LRP1B: variants seen among roughly 807,000 people sequenced by gnomAD.
LRP1B encodes LDL receptor related protein 1B, also known as low-density lipoprotein receptor-related protein 1B.
In LRP1B, 217 loss-of-function variants were observed where a neutral mutation model predicts 556.6. The ratio of observed to expected loss-of-function variants is 0.39; its 90% CI spans 0.35 to 0.44. The LOEUF is 0.44. Ranked by LOEUF, LRP1B falls within the 20% of genes least tolerant of loss-of-function variation. LRP1B has a pLI of 1.00. For synonymous variants in LRP1B, 2,047 were observed against 1,865.8 expected, an observed-to-expected ratio of 1.10 and a Z score of -2.50; for missense variants, 5,053 against 5,620.8, an observed-to-expected ratio of 0.90 and a Z score of 3.23.
At chr2:141,887,797 G>C (rs142021757) in intron 1 of LRP1B, among the ~76,000 whole-genome samples, 2 of 152,260 alleles carry the variant, frequency 1.3e-5, no homozygotes, top group African/African-American at 4.8e-5. Context: ...AGTTATACTT[G>C]CCATGGGAAT....
At chr2:141,269,423 G>A (rs1056646475) in intron 3 of LRP1B, among the ~76,000 whole-genome samples, 9 of 152,140 alleles carry the variant, frequency 5.9e-5, no homozygotes, top group Non-Finnish European at 8.8e-5. Flanking sequence ...TCAGCTGACC[G>A]TGCAAGCTAT....
chr2:142,083,996 T>C (rs1279794343), intron 1 of LRP1B, among the ~76,000 whole-genome samples: 1 of 151,954 alleles, frequency 6.6e-6, no homozygotes, highest in African/African-American at 2.4e-5. Context: ...TTTTTTTTTT[T>C]TGAGATGGAG....
intron 7 of LRP1B, among the ~76,000 whole-genome samples, chr2:141,140,917 G>T (rs1243537389): frequency 2.6e-5 from 4 of 152,034 alleles, no homozygotes; most frequent in Non-Finnish European, 5.9e-5. Flanking sequence ...AGGATTCAAA[G>T]ATTTCCTCTG....
At chr2:141,004,596 C>A (rs138422952) in intron 15 of LRP1B, among the ~76,000 whole-genome samples, 2 of 152,146 alleles carry the variant, frequency 1.3e-5, no homozygotes, top group East Asian at 3.9e-4. Flanking sequence ...TTACACAAGG[C>A]AATTCCTTAT....
intron 2 of LRP1B, among the ~76,000 whole-genome samples, chr2:141,699,122 T>C (rs553004228): frequency 6.6e-6 from 1 of 151,940 alleles, no homozygotes; most frequent in South Asian, 2.1e-4. Context: ...ATCCTATTCA[T>C]AAGCACGAAG....
chr2:140,984,958 C>A (rs1352235108), intron 17 of LRP1B, among the ~76,000 whole-genome samples: 1 of 152,054 alleles, frequency 6.6e-6, no homozygotes, highest in Non-Finnish European at 1.5e-5. Context: ...TGAAAACAAA[C>A]TCACAACATT....
intron 3 of LRP1B, among the ~76,000 whole-genome samples, chr2:141,314,903 T>C (rs924981101): frequency 7.1e-6 from 1 of 140,404 alleles, no homozygotes; most frequent in Non-Finnish European, 1.5e-5. Flanking sequence ...TACATATATA[T>C]ATATATACAC....
chr2:141,467,924 C>CGGG lies in LRP1B; in HGVS notation c.343+12471_343+12472insCCC, dbSNP rs1236912398. On this transcript the variant is annotated intron_variant, in intron 3 of 90. Transcript: ENST00000389484. Reference sequence around the variant, plus strand: ...AAAGCAATCCCTACACCTTTACACTCTATCACTCCCTCATGGTTCCCCGTA... The same window carrying CGGG: ...AAAGCAATCCCTACACCTTTACACTCGGGTATCACTCCCTCATGGTTCCCCGTA... Among the ~76,000 whole-genome samples the CGGG allele has an allele frequency of 5.3e-5, 8 of 151,702 alleles. No individual in the cohort carries two copies. The East Asian group carries it at 1.6e-3, about 30-fold the overall frequency.
chr2:140,346,270 A>T (rs1483405790), intron 77 of LRP1B, among the ~76,000 whole-genome samples: 1 of 151,708 alleles, frequency 6.6e-6, no homozygotes, highest in South Asian at 2.1e-4. Flanking sequence ...TTTATTGTAG[A>T]CTCATATAAT....
chr2:140,421,403 T>G (rs922593918), intron 66 of LRP1B, among the ~76,000 whole-genome samples: 7 of 152,192 alleles, frequency 4.6e-5, no homozygotes, highest in African/African-American at 1.7e-4. Context: ...GGCCGGAAGA[T>G]TTATACTGGT....
At chr2:140,415,664 C>T (rs918568026) in intron 66 of LRP1B, among the ~76,000 whole-genome samples, 4 of 152,152 alleles carry the variant, frequency 2.6e-5, no homozygotes, top group African/African-American at 9.7e-5. Flanking sequence ...GCGTCCATTC[C>T]TCACCTACCA....
At chr2:141,083,494 G>T (rs950248148) in intron 7 of LRP1B, among the ~76,000 whole-genome samples, 2 of 151,880 alleles carry the variant, frequency 1.3e-5, no homozygotes, top group Non-Finnish European at 2.9e-5. Flanking sequence ...TTAAATTTAC[G>T]GGCTTAAGGC....
chr2:140,271,354 C>G (rs1463448745), intron 85 of LRP1B, among the ~76,000 whole-genome samples: 1 of 151,846 alleles, frequency 6.6e-6, no homozygotes, highest in Admixed American at 6.6e-5. Flanking sequence ...CTGGACATAA[C>G]CTTGACAAAA....
chr2:141,152,591 A>G (rs1163425547), intron 7 of LRP1B, among the ~76,000 whole-genome samples: 1 of 151,934 alleles, frequency 6.6e-6, no homozygotes, highest in Non-Finnish European at 1.5e-5. Flanking sequence ...TGGCTCAGAC[A>G]GGAAATATAA....
chr2:140,549,350 C>A (rs745581648), intron 43 of LRP1B, among the ~76,000 whole-genome samples: 1 of 152,082 alleles, frequency 6.6e-6, no homozygotes, highest in African/African-American at 2.4e-5. Context: ...TAAGTATTCA[C>A]CAATTTGGAC....
At chr2:141,373,357 C>T (rs1689304295) in intron 3 of LRP1B, among the ~76,000 whole-genome samples, 2 of 152,048 alleles carry the variant, frequency 1.3e-5, no homozygotes, top group African/African-American at 2.4e-5. Flanking sequence ...TGTTTAAGTC[C>T]ATTCTATCTA....
At chr2:141,904,749 C>T (rs1200072824) in intron 1 of LRP1B, among the ~76,000 whole-genome samples, 1 of 151,810 alleles carries the variant, frequency 6.6e-6, no homozygotes, top group Admixed American at 6.6e-5. Flanking sequence ...GTCAAGGCAA[C>T]CTAGCAAAGG....
At chr2:141,402,640 G>A (rs1690488488) in intron 3 of LRP1B, among the ~76,000 whole-genome samples, 1 of 151,968 alleles carries the variant, frequency 6.6e-6, no homozygotes, top group Non-Finnish European at 1.5e-5. Flanking sequence ...CCTGCACACT[G>A]GTGATTTTGT....
intron 89 of LRP1B, among the ~76,000 whole-genome samples, chr2:140,237,384 G>C (rs1161868823): frequency 6.6e-6 from 1 of 150,710 alleles, no homozygotes; most frequent in Non-Finnish European, 1.5e-5. Context: ...TTTATTCATT[G>C]TTGATGCACA....
Sources: allele counts gnomAD v4.1 joint callset (sites outside exome capture counted in the v4.1 genomes callset), GRCh38; gene constraint gnomAD v4.1.1; transcripts MANE v1.5; gene names NCBI Gene and HGNC (gene_info 2026-07-23, HGNC 2026-07-21).